TRAPPC9: variants seen among roughly 807,000 people sequenced by gnomAD.
TRAPPC9 encodes trafficking protein particle complex subunit 9.
TRAPPC9 carries 83 observed loss-of-function variants against 124.0 expected under a neutral mutation model. That is an observed-to-expected ratio of 0.67 (90% CI 0.56 to 0.80). The LOEUF is 0.80. Among genes scored for constraint, TRAPPC9 ranks in the 30% least tolerant of loss-of-function variants. The probability of loss-of-function intolerance (pLI) is 0.00; values close to 1 mark genes in which losing one functional copy is unlikely to be tolerated. For missense variants in TRAPPC9, 1,302 were observed against 1,508.3 expected, an observed-to-expected ratio of 0.86 and a Z score of 2.27; for synonymous variants, 638 against 617.5, an observed-to-expected ratio of 1.03 and a Z score of -0.49.
At chr8:140,140,137 TC>T (rs949764232) in intron 17 of TRAPPC9, among the ~76,000 whole-genome samples, 2 of 152,144 alleles carry the variant, frequency 1.3e-5, no homozygotes, top group African/African-American at 2.4e-5. Context: ...AGGGAACCAG[TC>T]AAGGGCTTCT....
chr8:139,880,653 C>A (rs1829624842), intron 21 of TRAPPC9, among the ~76,000 whole-genome samples: 1 of 152,194 alleles, frequency 6.6e-6, no homozygotes. Context: ...CTAAACATCT[C>A]AAGATCCCTA....
At chr8:140,254,338 G>A (rs369386744) in intron 15 of TRAPPC9, among the ~76,000 whole-genome samples, 15 of 152,296 alleles carry the variant, frequency 9.8e-5, no homozygotes, top group African/African-American at 3.6e-4. Context: ...TGGGGAGCCG[G>A]GGGCAGCCCT....
chr8:140,265,010 T>C (rs2064579361), intron 15 of TRAPPC9, among the ~76,000 whole-genome samples: 4 of 152,172 alleles, frequency 2.6e-5, no homozygotes, highest in Admixed American at 2.0e-4. Flanking sequence ...CCAAAACCCG[T>C]GTTCTCGTCA....
rs145596951 is a variant in TRAPPC9 at position 140,278,541 on chromosome 8, C to T, written c.2115-2720G>A. 6.8e-3 allele frequency among the ~76,000 whole-genome samples: 1,038 copies of T among 152,334 alleles called. 12 individuals carry two copies. Among genetic ancestry groups the T allele is most frequent in the African/African-American group, 0.024 (987 of 41,568 alleles). ...AACCACTGTGCGACACAGAAAAGCA[C>T]GCTAGCAGTAGTCAAGATGGGCCTG... On this transcript the variant is annotated intron_variant, in intron 14 of 22. Coordinates refer to ENST00000438773, the MANE Select transcript of TRAPPC9 (RefSeq NM_001160372.4).
chr8:139,996,158 C>CAAAAAAAAAAAAA, intron 18 of TRAPPC9, among the ~76,000 whole-genome samples: 3 of 19,424 alleles, frequency 1.5e-4, no homozygotes, highest in African/African-American at 2.1e-4. Context: ...AAAACTTAAG[C>CAAAAAAAAAAAAA]AAAAAAAAAA....
intron 19 of TRAPPC9, among the ~76,000 whole-genome samples, chr8:139,925,167 G>A (rs945756632): frequency 3.3e-5 from 5 of 152,240 alleles, no homozygotes; most frequent in East Asian, 1.9e-4. Context: ...GCTCGCCCAC[G>A]GGGTGGCGGC....
chr8:140,283,994 A>G lies in TRAPPC9; in HGVS notation c.2009T>C (p.Phe670Ser). 6.2e-7 allele frequency: 1 copy of G among 1,614,144 alleles called. No individual in the cohort carries two copies. Among genetic ancestry groups the G allele is most frequent in the East Asian group, 2.2e-5 (1 of 44,882 alleles). Reference protein sequence around the residue: ...NGYHTTVFGVFSDCLLDNLPG... With the variant: ...NGYHTTVFGVSSDCLLDNLPG... Reference sequence around the variant, plus strand: ...CAGGTTATCCAGCAAACAGTCACTGAACACACCGAAGACCGTGGTATGGTA... The same window carrying G: ...CAGGTTATCCAGCAAACAGTCACTGGACACACCGAAGACCGTGGTATGGTA... Residue 670 changes from phenylalanine to serine, a missense_variant, in exon 14 of 23, where the codon TTC becomes TCC. By Grantham distance (155) the Phe-to-Ser change is radical. Around this residue, in one of 3 missense-constraint regions of TRAPPC9, gnomAD observed 640 missense variants for 679.3 expected, o/e 0.94. Transcript: ENST00000438773.
chr8:140,246,689 A>G (rs996129215), intron 16 of TRAPPC9, among the ~76,000 whole-genome samples: 6 of 152,144 alleles, frequency 3.9e-5, no homozygotes, highest in Non-Finnish European at 7.3e-5. Context: ...ACAGTTTAAA[A>G]ATTACTTTTG....
chr8:140,278,596 G>C (rs1006918865), intron 14 of TRAPPC9, among the ~76,000 whole-genome samples: 1 of 152,294 alleles, frequency 6.6e-6, no homozygotes, highest in East Asian at 1.9e-4. Flanking sequence ...ACACTTCACA[G>C]CTGCCTCCTG....
chr8:140,234,185 T>C (rs544041489), intron 16 of TRAPPC9, among the ~76,000 whole-genome samples: 1 of 152,128 alleles, frequency 6.6e-6, no homozygotes, highest in African/African-American at 2.4e-5. Flanking sequence ...AACCCCACTG[T>C]GAAATACACA....
intron 10 of TRAPPC9, among the ~76,000 whole-genome samples, chr8:140,308,267 G>C (rs2066192526): frequency 6.6e-6 from 1 of 151,640 alleles, no homozygotes; most frequent in Non-Finnish European, 1.5e-5. Context: ...AGGCCACAGA[G>C]GCCCTGCAAG....
intron 17 of TRAPPC9, among the ~76,000 whole-genome samples, chr8:140,200,552 G>A (rs1398244002): frequency 3.9e-5 from 6 of 152,052 alleles, no homozygotes; most frequent in South Asian, 2.1e-4. Flanking sequence ...CTGCGGCGGC[G>A]GCATAAGAAG....
chr8:139,871,003 T>C (rs764932540), intron 21 of TRAPPC9, among the ~76,000 whole-genome samples: 4 of 152,318 alleles, frequency 2.6e-5, no homozygotes, highest in African/African-American at 4.8e-5. Context: ...CCACACTTAC[T>C]CGCTGGTGGT....
intron 21 of TRAPPC9, among the ~76,000 whole-genome samples, chr8:139,833,933 G>A (rs955496734): frequency 2.0e-5 from 3 of 152,328 alleles, no homozygotes; most frequent in Admixed American, 2.0e-4. Context: ...CCCCTGGTGA[G>A]GAGGTGCCTT....
At chr8:140,188,965 C>T (rs1159076112) in intron 17 of TRAPPC9, among the ~76,000 whole-genome samples, 1 of 149,318 alleles carries the variant, frequency 6.7e-6, no homozygotes, top group African/African-American at 2.4e-5. Flanking sequence ...CAGCCCTCCT[C>T]CCGTTGTTTC....
chr8:139,909,079 T>C (rs535370461), intron 20 of TRAPPC9, among the ~76,000 whole-genome samples: 100 of 152,172 alleles, frequency 6.6e-4, no homozygotes, highest in Non-Finnish European at 1.3e-3. Flanking sequence ...CCTCAGGTTC[T>C]GGAAACTATG....
chr8:140,079,833 G>C (rs1401061685), intron 17 of TRAPPC9, among the ~76,000 whole-genome samples: 1 of 152,200 alleles, frequency 6.6e-6, no homozygotes, highest in Non-Finnish European at 1.5e-5. Context: ...AGGAGGCTGA[G>C]CCAGGAGAAT....
intron 15 of TRAPPC9, among the ~76,000 whole-genome samples, chr8:140,256,123 G>A (rs552037563): frequency 6.6e-6 from 1 of 152,268 alleles, no homozygotes; most frequent in African/African-American, 2.4e-5. Context: ...AACACTGGTC[G>A]CTTTGGTATT....
chr8:140,381,342 A>G (rs2068602161), intron 7 of TRAPPC9, among the ~76,000 whole-genome samples: 3 of 152,176 alleles, frequency 2.0e-5, no homozygotes, highest in African/African-American at 7.2e-5. Context: ...TTACAGCTAA[A>G]TAACAAAAAG....
Sources: gnomAD v4.1 joint callset for allele counts (sites outside exome capture counted in the v4.1 genomes callset) on GRCh38, gnomAD v4.1.1 for gene constraint, gnomAD v4.1.1 regional missense constraint, MANE v1.5 for transcripts, NCBI Gene and HGNC (gene_info 2026-07-23, HGNC 2026-07-21) for gene names.